Variants in CSGALNACT1 observed in about 807,000 individuals in gnomAD.
The protein encoded by CSGALNACT1 is chondroitin sulfate N-acetylgalactosaminyltransferase 1.
A neutral mutation model predicts 51.0 loss-of-function variants in CSGALNACT1; 52 were observed. The ratio of observed to expected loss-of-function variants is 1.02; its 90% confidence interval spans 0.82 to 1.29. The LOEUF (loss-of-function observed/expected upper bound fraction) is 1.29, where lower values mean the gene tolerates loss of function less well. CSGALNACT1 is among the 50% of genes most tolerant of loss of function. The pLI, the probability that CSGALNACT1 is intolerant of heterozygous loss-of-function variation, is 0.00. For missense variants in CSGALNACT1, 935 were observed against 679.2 expected (o/e 1.38, Z -4.19); for synonymous variants, 341 against 254.4 (o/e 1.34, Z -3.24).
At chr8:19,646,277 G>A (rs1399290835) in intron 1 of CSGALNACT1, among the ~76,000 whole-genome samples, 6 of 152,162 alleles carry the variant, frequency 3.9e-5, no homozygotes, top group African/African-American at 4.8e-5. Context: ...TGACCTTGCC[G>A]AGAGAGAAAG....
chr8:19,566,118 T>C (rs970832508), intron 3 of CSGALNACT1, among the ~76,000 whole-genome samples: 2 of 152,178 alleles, frequency 1.3e-5, no homozygotes, highest in Admixed American at 6.5e-5. Context: ...TTACCTTGCA[T>C]GGCAAAAAGA....
intron 1 of CSGALNACT1, among the ~76,000 whole-genome samples, chr8:19,717,977 C>A (rs2154237846): frequency 6.6e-6 from 1 of 152,316 alleles, no homozygotes; most frequent in East Asian, 1.9e-4. Context: ...TACCCCTGCC[C>A]CATCCACCAT....
At chr8:19,588,648 G>A (rs1363656954) in intron 3 of CSGALNACT1, among the ~76,000 whole-genome samples, 2 of 152,184 alleles carry the variant, frequency 1.3e-5, no homozygotes, top group Admixed American at 1.3e-4. Flanking sequence ...CCTTCATGAA[G>A]CTTTCATTCT....
At chr8:19,456,399 G>A (rs1297649203) in intron 5 of CSGALNACT1, among the ~76,000 whole-genome samples, 1 of 152,164 alleles carries the variant, frequency 6.6e-6, no homozygotes, top group Admixed American at 6.5e-5. Context: ...CAGCTTCTTT[G>A]CCAAATGAAC....
chr8:19,528,729 G>A (rs1325309722), intron 3 of CSGALNACT1, among the ~76,000 whole-genome samples: 1 of 152,116 alleles, frequency 6.6e-6, no homozygotes. Context: ...ACTTCCCATG[G>A]TATGCATTCT....
chr8:19,409,801 T>G (rs1442131195), intron 8 of CSGALNACT1, among the ~76,000 whole-genome samples: 1 of 152,180 alleles, frequency 6.6e-6, no homozygotes, highest in Non-Finnish European at 1.5e-5. Context: ...ATCAGAGTCT[T>G]GGCCCAATGT....
intron 3 of CSGALNACT1, among the ~76,000 whole-genome samples, chr8:19,516,141 G>C (rs980002900): frequency 9.2e-5 from 14 of 152,088 alleles, no homozygotes; most frequent in South Asian, 8.3e-4. Flanking sequence ...CAAGCACTTA[G>C]TGAGCATTTA....
intron 6 of CSGALNACT1, among the ~76,000 whole-genome samples, chr8:19,430,004 C>T (rs1179655613): frequency 6.6e-6 from 1 of 152,190 alleles, no homozygotes; most frequent in Admixed American, 6.5e-5. Context: ...TGCTTATTGG[C>T]CACTTGTGTA....
intron 3 of CSGALNACT1, among the ~76,000 whole-genome samples, chr8:19,554,978 G>A: frequency 6.6e-6 from 1 of 151,834 alleles, no homozygotes; most frequent in Non-Finnish European, 1.5e-5. Flanking sequence ...GGTGGCTCAT[G>A]CCTGTAATCC....
chr8:19,513,417 T>TCA (rs1391610702), intron 3 of CSGALNACT1, among the ~76,000 whole-genome samples: 1,458 of 86,328 alleles, frequency 0.017, 42 homozygotes, highest in African/African-American at 0.062. Context: ...TCTCTCTCAC[T>TCA]CTCTCTCTCT....
intron 5 of CSGALNACT1, among the ~76,000 whole-genome samples, chr8:19,453,037 G>A (rs2063478096): frequency 6.6e-6 from 1 of 152,070 alleles, no homozygotes; most frequent in Non-Finnish European, 1.5e-5. Context: ...CAGAAGGCTG[G>A]GTAGTCCCCT....
At chr8:19,666,817 GAGAGAGAGAGAGAGAGAA>G (rs2059250634) in intron 1 of CSGALNACT1, among the ~76,000 whole-genome samples, 1 of 35,396 alleles carries the variant, frequency 2.8e-5, no homozygotes, top group Non-Finnish European at 5.6e-5. Flanking sequence ...GAAAGAGAGA[GAGAGAGAGAGAGAGAGAA>G]AGAAAGAAAG....
At chr8:19,421,110 C>T (rs756426925) in intron 6 of CSGALNACT1, among the ~76,000 whole-genome samples, 1 of 152,248 alleles carries the variant, frequency 6.6e-6, no homozygotes, top group Non-Finnish European at 1.5e-5. Flanking sequence ...GGCTCTCCTA[C>T]AGATAGCTCT....
intron 1 of CSGALNACT1, among the ~76,000 whole-genome samples, chr8:19,626,890 A>T (rs1233676744): frequency 6.6e-6 from 1 of 152,216 alleles, no homozygotes; most frequent in Non-Finnish European, 1.5e-5. Flanking sequence ...AAGAATAAAA[A>T]ATAGTGATAA....
chr8:19,443,425 G>A (rs1303900560), intron 5 of CSGALNACT1, among the ~76,000 whole-genome samples: 1 of 152,108 alleles, frequency 6.6e-6, no homozygotes, highest in Admixed American at 6.6e-5. Flanking sequence ...TGCTAATAAA[G>A]ACATACCCAA....
At chr8:19,562,995 C>G (rs4352870) in intron 3 of CSGALNACT1, among the ~76,000 whole-genome samples, 23,637 of 152,168 alleles carry the variant, frequency 0.16, 1,878 homozygotes, top group Middle Eastern at 0.2. Flanking sequence ...CATTACAGTA[C>G]TATTCACAAT....
At chr8:19,517,728 A>C (rs180801051) in intron 3 of CSGALNACT1, among the ~76,000 whole-genome samples, 234 of 152,232 alleles carry the variant, frequency 1.5e-3, no homozygotes, top group South Asian at 6.6e-3. Flanking sequence ...AAAACATCAG[A>C]TCTCCTGAGA....
intron 3 of CSGALNACT1, among the ~76,000 whole-genome samples, chr8:19,523,487 C>G (rs1463719856): frequency 6.6e-6 from 1 of 151,862 alleles, no homozygotes; most frequent in Non-Finnish European, 1.5e-5. Context: ...CCAGGTTGGT[C>G]TTGGACTCCT....
intron 1 of CSGALNACT1, among the ~76,000 whole-genome samples, chr8:19,725,873 G>A (rs2063373071): frequency 6.6e-6 from 1 of 151,902 alleles, no homozygotes. Flanking sequence ...TGGTGCATTT[G>A]TTACACTTGA....
Sources: gnomAD v4.1 joint callset for allele counts (sites outside exome capture counted in the v4.1 genomes callset) on GRCh38, gnomAD v4.1.1 for gene constraint, MANE v1.5 for transcripts, NCBI Gene and HGNC (gene_info 2026-07-23, HGNC 2026-07-21) for gene names.